The following NUP210 variants were observed in gnomAD, a reference collection of about 807,000 sequenced individuals.
NUP210 encodes the protein nuclear pore membrane glycoprotein 210.
A neutral mutation model predicts 196.0 loss-of-function variants in NUP210; 151 were observed. The observed-to-expected ratio is 0.77, with a 90% CI of 0.67 to 0.88. The LOEUF (loss-of-function observed/expected upper bound fraction) is 0.88. Ranked by LOEUF, NUP210 falls within the 40% of genes least tolerant of loss-of-function variation. The pLI is 0.00. For synonymous variants in NUP210, 1,070 were observed against 1,052.7 expected (o/e 1.02, Z -0.32); for missense variants, 2,314 against 2,493.7 (o/e 0.93, Z 1.53).
chr3:13,375,456 C>T (rs1271318376), intron 11 of NUP210, 48 bp downstream of exon 11: 1 of 1,563,938 alleles, frequency 6.4e-7, no homozygotes, highest in South Asian at 1.2e-5. Context: ...GCCACAATCC[C>T]ATGAAAACAC....
In NUP210 at chr3:13,372,008, T is replaced by C; in HGVS notation, c.1612A>G (p.Met538Val). The C allele has an allele frequency of 6.3e-7, 1 of 1,588,332 alleles. No individual in the cohort carries two copies. The highest frequency in any genetic ancestry group is 8.6e-7 in the Non-Finnish European group (1 of 1,166,408). ...MKVYVIEPHS[M>V]EFAPCQVEAR... ...TCCACCTGGCACGGGGCAAACTCCA[T>C]GCTGTGGGGCTCGATCACATACACC... is the stretch of plus-strand genomic sequence containing the variant. The change falls in exon 13 of 40, where the codon ATG becomes GTG. Residue 538 changes from methionine to valine, a missense_variant. Coordinates refer to ENST00000254508, the MANE Select transcript of NUP210 (RefSeq NM_024923.4).
intron 32 of NUP210, 73 bp downstream of exon 32, chr3:13,327,144 G>T: frequency 1.6e-6 from 2 of 1,249,238 alleles, no homozygotes; most frequent in Non-Finnish European, 2.2e-6. Flanking sequence ...CCGAGCCCCT[G>T]CCCAGGTAGC....
intron 14 of NUP210, among the ~76,000 whole-genome samples, chr3:13,364,722 G>C (rs951715184): frequency 9.2e-5 from 14 of 152,290 alleles, no homozygotes; most frequent in African/African-American, 3.4e-4. Context: ...CAGCTACTCA[G>C]GAGGCCGAGG....
intron 39 of NUP210, 48 bp downstream of exon 39, chr3:13,319,024 T>C (rs1696390754): frequency 2.6e-6 from 4 of 1,540,912 alleles, no homozygotes; most frequent in Non-Finnish European, 3.5e-6. Flanking sequence ...AGGGCTCTTC[T>C]CTTTCTCAGC....
At chr3:13,320,033 T>G (rs2124824637) in intron 36 of NUP210, 54 bp from the exon 37 acceptor site, 3 of 1,534,612 alleles carry the variant, frequency 2.0e-6, no homozygotes, top group South Asian at 1.1e-5. Flanking sequence ...GGGGGACCAC[T>G]GAGCGGGGCC....
intron 20 of NUP210, 33 bp from the exon 21 acceptor site, chr3:13,343,336 T>TGGGGGGGGGGGGGGGGGGGGGG: frequency 3.8e-6 from 1 of 260,404 alleles, no homozygotes; most frequent in Non-Finnish European, 7.2e-6. Flanking sequence ...GAGGGGTGGG[T>TGGGGGGGGGGGGGGGGGGGGGG]GGTGGGTTAC....
chr3:13,406,534 G>A (rs528470262), intron 1 of NUP210, among the ~76,000 whole-genome samples: 1 of 152,282 alleles, frequency 6.6e-6, no homozygotes, highest in Non-Finnish European at 1.5e-5. Context: ...AGCAGAAAAG[G>A]CAGGGTCTGC....
At chr3:13,413,075 G>A (rs1243722633) in intron 1 of NUP210, among the ~76,000 whole-genome samples, 5 of 152,072 alleles carry the variant, frequency 3.3e-5, no homozygotes, top group African/African-American at 1.2e-4. Context: ...GACTAGCCTG[G>A]CCAATATGGT....
In NUP210 at chr3:13,397,384, G is replaced by C; in HGVS notation, c.409C>G (p.Leu137Val). Residue 137 changes from leucine to valine, a missense_variant, in exon 3 of 40, where the codon CTG becomes GTG. Coordinates refer to ENST00000254508, the MANE Select transcript of NUP210 (RefSeq NM_024923.4). ...TCGGAGTCCAGGGCCTGGATCTTCA[G>C]CTCCAGGGGGGAGTCCTCCAGGTAG... ...ELYLEDSPLE[L>V]KIQALDSEGN... The C allele has an allele frequency of 6.2e-7, 1 of 1,612,004 alleles. No homozygotes were observed. The highest frequency in any genetic ancestry group is 1.1e-5 in the South Asian group (1 of 90,868).
At position 13,376,414 on chromosome 3, in the gene NUP210, A is replaced by G. The variant is rs1559335753; in HGVS notation, c.1170T>C (p.Thr390=). 1.9e-6 allele frequency: 3 copies of G among 1,614,236 alleles called. No individual in the cohort carries two copies. Among genetic ancestry groups the G allele is most frequent in the South Asian group, 2.2e-5 (2 of 91,088 alleles). The change falls in exon 10 of 40, where the codon ACT becomes ACC. Residue 390 remains threonine (T), a synonymous_variant. Coordinates refer to ENST00000254508, the MANE Select transcript of NUP210 (RefSeq NM_024923.4). ...VYVSDNIRIE[T]VLPAEFFEVL... is the part of the protein sequence containing the mutation. ...CCTCGAAGAACTCAGCAGGAAGCAC[A>G]GTTTCAATTCGGATGTTCTGGAAGG...
At chr3:13,384,263 C>A (rs1054785811) in intron 6 of NUP210, among the ~76,000 whole-genome samples, 2 of 152,232 alleles carry the variant, frequency 1.3e-5, no homozygotes, top group Admixed American at 1.3e-4. Context: ...GCCCGGCCGG[C>A]CCTGTTGTTA....
chr3:13,391,384 T>C (rs1699487442), intron 3 of NUP210, 77 bp from the exon 4 acceptor site: 2 of 913,572 alleles, frequency 2.2e-6, no homozygotes, highest in Non-Finnish European at 3.5e-6. Flanking sequence ...TGGGAGCTTC[T>C]GCCCCATGCA....
intron 10 of NUP210, among the ~76,000 whole-genome samples, chr3:13,375,892 C>CA (rs1157148042): frequency 6.6e-6 from 1 of 152,072 alleles, no homozygotes; most frequent in African/African-American, 2.4e-5. Context: ...TGGTGTCCCC[C>CA]CCAACTTTAC....
chr3:13,361,149 C>T (rs2470499), intron 14 of NUP210, among the ~76,000 whole-genome samples: 1 of 152,246 alleles, frequency 6.6e-6, no homozygotes, highest in African/African-American at 2.4e-5. Flanking sequence ...GTGGTCCATT[C>T]CCTTCCTTCT....
intron 18 of NUP210, among the ~76,000 whole-genome samples, chr3:13,353,335 T>A (rs1332635958): frequency 6.6e-6 from 1 of 152,168 alleles, no homozygotes; most frequent in Non-Finnish European, 1.5e-5. Flanking sequence ...GGAAGGGCTA[T>A]TCTTGAGAAG....
intron 20 of NUP210, among the ~76,000 whole-genome samples, chr3:13,349,695 G>T (rs1293550591): frequency 1.3e-5 from 2 of 152,250 alleles, no homozygotes; most frequent in African/African-American, 4.8e-5. Context: ...CCAGAAAACA[G>T]GTGTGAGTTG....
chr3:13,373,773 A>T lies in NUP210; in HGVS notation c.1532T>A (p.Phe511Tyr). The T allele has an allele frequency of 6.2e-7, 1 of 1,614,178 alleles. No individual in the cohort carries two copies. The highest frequency in any genetic ancestry group is 8.5e-7 in the Non-Finnish European group (1 of 1,180,014). Residue 511 changes from phenylalanine to tyrosine, a missense_variant, in exon 12 of 40, where the codon TTC (phenylalanine) becomes TAC (tyrosine). Coordinates refer to ENST00000254508, the MANE Select transcript of NUP210 (RefSeq NM_024923.4). ...CACATCATGTGCCTGGATCACACTG[A>T]ACCCGATGTCACTGCCTGTGGTCAT... ...GVMTTGSDIG[F>Y]SVIQAHDVQN...
Position 13,352,117 on chromosome 3 carries a change from G to A in NUP210, c.2696C>T (p.Pro899Leu), listed in dbSNP as rs749837637. The A allele has an allele frequency of 6.2e-7, 1 of 1,614,058 alleles. No individual in the cohort carries two copies. The highest frequency in any genetic ancestry group is 8.5e-7 in the Non-Finnish European group (1 of 1,179,972). ...GTGGTTGTAGATGGTCACCTCTTCT[G>A]GGCTCACCCTCACGTCCTCCACCAG... ...LILVEDVRVS[P>L]EEVTIYNHPG... Residue 899 changes from proline to leucine, a missense_variant, in exon 19 of 40, where the codon CCA (proline) becomes CTA (leucine). Pro to Leu is a moderately conservative substitution (Grantham distance 98). Coordinates refer to ENST00000254508, the MANE Select transcript of NUP210 (RefSeq NM_024923.4).
chr3:13,317,789 G>A lies in NUP210; in HGVS notation c.5564-8C>T, dbSNP rs60496138. The A allele has an allele frequency of 4.9e-3, 7,740 of 1,593,010 alleles. 335 individuals carry two copies. In the African/African-American group the frequency reaches 0.092, roughly 19 times the overall value. On this transcript the variant is annotated splice_region_variant and splice_polypyrimidine_tract_variant and intron_variant, in intron 39 of 39. Transcript: ENST00000254508. ...GTGATGAGGCAGCGAAATCTAGGGT[G>A]GGAAGAGAGACGATGTTAGCAGCAG...
Sources: gnomAD v4.1 joint callset for allele counts (sites outside exome capture counted in the v4.1 genomes callset) on GRCh38, gnomAD v4.1.1 for gene constraint, MANE v1.5 for transcripts, NCBI Gene and HGNC (gene_info 2026-07-23, HGNC 2026-07-21) for gene names.